Variants in SATL1 observed in about 807,000 individuals in gnomAD.
The protein encoded by SATL1 is spermidine/spermine N(1)-acetyltransferase-like protein 1.
A neutral mutation model predicts 51.8 loss-of-function variants in SATL1; 47 were observed. The ratio of observed to expected loss-of-function variants is 0.91; its 90% CI spans 0.72 to 1.16. SATL1 has a LOEUF of 1.16. Ranked by LOEUF, SATL1 falls within the 50% of genes most tolerant of loss-of-function variation. SATL1 has a pLI of 0.00. For synonymous variants in SATL1, 176 were observed against 182.4 expected, an observed-to-expected ratio of 0.97 and a Z score of 0.28; for missense variants, 520 against 526.4, an observed-to-expected ratio of 0.99 and a Z score of 0.12.
chrX:85,164,183 G>T (rs753450741), intron 2 of SATL1, among the ~76,000 whole-genome samples: 16 of 111,610 alleles, frequency 1.4e-4, no homozygotes, highest in Non-Finnish European at 2.6e-4. Flanking sequence ...CTTGGTTGGT[G>T]GATTTTTATC....
intron 2 of SATL1, among the ~76,000 whole-genome samples, chrX:85,175,854 T>A (rs1380495892): frequency 9.1e-6 from 1 of 110,461 alleles, no homozygotes; most frequent in Non-Finnish European, 1.9e-5. Context: ...AATCTTACTC[T>A]CCTCCCTCCC....
At chrX:85,114,605 T>C (rs1925340447) in intron 2 of SATL1, among the ~76,000 whole-genome samples, 1 of 112,182 alleles carries the variant, frequency 8.9e-6, no homozygotes, top group African/African-American at 3.2e-5. Context: ...AAAGACAAAA[T>C]TGAAAAGGAA....
At chrX:85,150,719 T>C (rs1369158126) in intron 2 of SATL1, among the ~76,000 whole-genome samples, 1 of 110,984 alleles carries the variant, frequency 9.0e-6, no homozygotes, top group African/African-American at 3.3e-5. Flanking sequence ...AAAAACCACA[T>C]GATTATCTCA....
intron 2 of SATL1, among the ~76,000 whole-genome samples, chrX:85,160,637 G>T (rs1478027807): frequency 9.0e-6 from 1 of 110,632 alleles, no homozygotes; most frequent in African/African-American, 3.3e-5. Flanking sequence ...AGAGAAAAAA[G>T]AATGAAAAGG....
Position 85,092,417 on chromosome X carries a change from G to T in SATL1, c.2062C>A (p.Leu688Ile). 1 of 1,180,490 alleles carries T rather than the reference G, an allele frequency of 8.5e-7. No individual in the cohort carries two copies. The highest frequency in any genetic ancestry group is 1.1e-6 in the Non-Finnish European group (1 of 879,945). The change falls in exon 8 of 8, where the codon CTC becomes ATC. Residue 688 changes from leucine to isoleucine, a missense_variant. Physicochemically the swap from Leu to Ile is conservative, Grantham distance 5. Around this residue, in one of 3 missense-constraint regions of SATL1, gnomAD observed 488 missense variants for 474.3 expected, o/e 1.03. Transcript: ENST00000644105. Reference sequence around the variant, plus strand: ...CATTCTTCCCATGCCATGTCCAGGAGTTCTTCTCTGTTAAACCTGAAGAGA... The same window carrying T: ...CATTCTTCCCATGCCATGTCCAGGATTTCTTCTCTGTTAAACCTGAAGAGA... ...WHLFRFNREE[L>I]LDMAWEE
At chrX:85,140,482 T>C (rs1002919659) in intron 2 of SATL1, among the ~76,000 whole-genome samples, 2 of 112,121 alleles carry the variant, frequency 1.8e-5, no homozygotes, top group African/African-American at 6.5e-5. Context: ...AGGTAATTTT[T>C]TTCTCCCTTT....
intron 2 of SATL1, chrX:85,212,141 G>T (rs1435110229): frequency 9.0e-6 from 1 of 111,617 alleles, no homozygotes; most frequent in African/African-American, 3.3e-5. Context: ...ACTAAAAAGA[G>T]AGAAAGCAGA....
chrX:85,141,051 T>C (rs1368974081), intron 2 of SATL1, among the ~76,000 whole-genome samples: 1 of 111,763 alleles, frequency 8.9e-6, no homozygotes, highest in African/African-American at 3.3e-5. Context: ...GGATGATTCT[T>C]CTCAGAGTTG....
Position 85,092,511 on chromosome X carries a change from C to A in SATL1, c.1968G>T (p.Trp656Cys). 1 of 1,210,089 alleles carries A rather than the reference C, an allele frequency of 8.3e-7. No individual in the cohort carries two copies. The change falls in exon 8 of 8, where the codon TGG becomes TGT. Residue 656 changes from tryptophan to cysteine, a missense_variant. Physicochemically the swap from Trp to Cys is radical, Grantham distance 215. Around this residue, in one of 3 missense-constraint regions of SATL1, gnomAD observed 488 missense variants for 474.3 expected, o/e 1.03. Transcript: ENST00000644105. Reference protein sequence around the residue: ...CNCMHFLVVIWNQASINYYTS... With the variant: ...CNCMHFLVVICNQASINYYTS... ...TATAGTAGTTGATAGAAGCCTGGTT[C>A]CAAATGACGACAAGAAAGTGCATGC... is the stretch of plus-strand genomic sequence containing the variant.
At chrX:85,236,549 G>T (rs978515759) in intron 1 of SATL1, among the ~76,000 whole-genome samples, 5 of 111,170 alleles carry the variant, frequency 4.5e-5, no homozygotes, top group Non-Finnish European at 7.6e-5. Flanking sequence ...AAAATCAATC[G>T]ATGTGATACA....
At chrX:85,164,885 C>T (rs767688484) in intron 2 of SATL1, among the ~76,000 whole-genome samples, 9 of 109,918 alleles carry the variant, frequency 8.2e-5, no homozygotes, top group South Asian at 4.0e-4. Context: ...CCACCACACC[C>T]GACTAATTTT....
At chrX:85,233,165 G>T (rs1928417651) in intron 1 of SATL1, among the ~76,000 whole-genome samples, 1 of 111,789 alleles carries the variant, frequency 8.9e-6, no homozygotes, top group Admixed American at 9.5e-5. Flanking sequence ...GTAATCCAGA[G>T]AATTCTTCCA....
chrX:85,094,189 G>C lies in SATL1; in HGVS notation c.1815C>G (p.Tyr605Ter). 1 of 1,189,971 alleles carries C rather than the reference G, an allele frequency of 8.4e-7. No homozygotes were observed. The highest frequency in any genetic ancestry group is 1.1e-6 in the Non-Finnish European group (1 of 876,516). ...TVGFAMYYFT[Y>*]DSWTGKVLYL... ...AAAGTACCTTGCCAGTCCATGAGTC[G>C]TATGTAAAGTAGTACATGGCAAATC... The change falls in exon 6 of 8, where the codon TAC (tyrosine) becomes TAG (stop). Residue 605 changes from tyrosine (Y) to a stop codon, truncating the protein, a stop_gained. Coordinates refer to ENST00000644105, the MANE Select transcript of SATL1 (RefSeq NM_001367857.2). LOFTEE classifies it high-confidence loss of function.
intron 2 of SATL1, among the ~76,000 whole-genome samples, chrX:85,223,549 C>A (rs762837936): frequency 9.0e-6 from 1 of 111,021 alleles, no homozygotes; most frequent in Admixed American, 9.6e-5. Flanking sequence ...TCATCCGAAT[C>A]CTGGATGATG....
At chrX:85,128,346 G>C (rs751445065) in intron 2 of SATL1, among the ~76,000 whole-genome samples, 3 of 111,784 alleles carry the variant, frequency 2.7e-5, no homozygotes, top group African/African-American at 9.8e-5. Flanking sequence ...ATTCTAACTG[G>C]CGTGAGATGG....
intron 2 of SATL1, among the ~76,000 whole-genome samples, chrX:85,200,368 T>A (rs150653313): frequency 1.8e-5 from 2 of 112,387 alleles, no homozygotes; most frequent in African/African-American, 6.4e-5. Flanking sequence ...TTTATTGACA[T>A]ACAATGAGCA....
At chrX:85,179,354 A>G (rs778897607) in intron 2 of SATL1, among the ~76,000 whole-genome samples, 2 of 111,777 alleles carry the variant, frequency 1.8e-5, no homozygotes, top group South Asian at 3.7e-4. Flanking sequence ...TCTAATTTAA[A>G]AAAAATATCA....
intron 1 of SATL1, among the ~76,000 whole-genome samples, chrX:85,243,186 C>T (rs1928676513): frequency 8.9e-6 from 1 of 112,536 alleles, no homozygotes; most frequent in Non-Finnish European, 1.9e-5. Flanking sequence ...TAAAGAGTTA[C>T]TTTCTTTAGG....
intron 2 of SATL1, chrX:85,212,682 C>T (rs185897048): frequency 1.8e-5 from 2 of 110,593 alleles, no homozygotes; most frequent in Non-Finnish European, 3.8e-5. Flanking sequence ...TTTAAAATAG[C>T]CTTATGACTC....
Sources: allele counts gnomAD v4.1 joint callset (sites outside exome capture counted in the v4.1 genomes callset), GRCh38; gene constraint gnomAD v4.1.1; regional missense constraint gnomAD v4.1.1; transcripts MANE v1.5; gene names NCBI Gene and HGNC (gene_info 2026-07-23, HGNC 2026-07-21).